Variants in CRLF2 observed in about 807,000 individuals in gnomAD.
The protein encoded by CRLF2 is cytokine receptor like factor 2, also known as cytokine receptor-like factor 2.
CRLF2 carries 41 observed loss-of-function variants against 38.7 expected under a neutral mutation model. The ratio of observed to expected loss-of-function variants is 1.06; its 90% confidence interval spans 0.83 to 1.37. The LOEUF (loss-of-function observed/expected upper bound fraction) is 1.37. CRLF2 is among the 40% of genes most tolerant of loss of function. The probability of loss-of-function intolerance (pLI) is 0.00; values close to 1 mark genes in which losing one functional copy is unlikely to be tolerated. For synonymous variants in CRLF2, 140 were observed against 128.8 expected (o/e 1.09, Z -0.59); for missense variants, 377 against 322.2 (o/e 1.17, Z -1.30).
chrX:1,205,156 C>G (rs1373719711), intron 3 of CRLF2, among the ~76,000 whole-genome samples: 1 of 152,132 alleles, frequency 6.6e-6, no homozygotes, highest in African/African-American at 2.4e-5. Context: ...TCACAGTCTC[C>G]CGGGGTCATC....
At position 1,190,956 on chromosome X, in the gene CRLF2, C is replaced by T. The variant is rs1423411719; in HGVS notation, c.1057G>A (p.Val353Met). Reference sequence around the variant, plus strand: ...AAGGTGAAGCCCCCGATTGTGACCACATCACCGCCTTGGAGGGGCTGGTGG... The same window carrying T: ...AAGGTGAAGCCCCCGATTGTGACCATATCACCGCCTTGGAGGGGCTGGTGG... ...LPHQPLQGGDVVTIGGFTFVM... is the reference protein window; with the variant it reads ...LPHQPLQGGDMVTIGGFTFVM... Residue 353 changes from valine (V) to methionine (M), a missense_variant, in exon 8 of 8, where the codon GTG becomes ATG. Physicochemically the swap from Val to Met is conservative, Grantham distance 21. Transcript: ENST00000400841. 2.5e-6 allele frequency: 1 copy of T among 398,626 alleles called. No individual in the cohort carries two copies. Among genetic ancestry groups the T allele is most frequent in the Non-Finnish European group, 4.4e-6 (1 of 226,158 alleles). 24.7% of individuals were successfully genotyped at this position (398,626 alleles called of 1,614,324 possible). A position where few individuals can be genotyped will look rare whatever the true frequency, so the allele number is the denominator to read the frequency against.
chrX:1,206,338 A>G, intron 3 of CRLF2, 95 bp downstream of exon 3: 3 of 1,076,216 alleles, frequency 2.8e-6, no homozygotes, highest in Non-Finnish European at 4.3e-6. Flanking sequence ...GTAATCATGG[A>G]TCCGGCGATT....
chrX:1,210,911 A>G (rs2086785605), intron 1 of CRLF2, among the ~76,000 whole-genome samples: 1 of 151,444 alleles, frequency 6.6e-6, no homozygotes, highest in South Asian at 2.1e-4. Context: ...ATGGATGAAC[A>G]GATACACAGG....
intron 5 of CRLF2, 107 bp from the exon 6 acceptor site, chrX:1,197,007 G>T: frequency 3.1e-6 from 3 of 969,290 alleles, no homozygotes; most frequent in South Asian, 6.4e-5. Context: ...TCATTTTTTG[G>T]TGTTCGTTTT....
chrX:1,200,875 A>C (rs1313463424), intron 4 of CRLF2, among the ~76,000 whole-genome samples: 4 of 56,392 alleles, frequency 7.1e-5, no homozygotes, highest in African/African-American at 2.2e-4. Flanking sequence ...GTGTGTACAC[A>C]CACATATAGG....
Position 1,206,504 on chromosome X carries a change from T to G in CRLF2, c.278A>C (p.Asp93Ala). The G allele has an allele frequency of 1.2e-6, 2 of 1,613,650 alleles. No individual in the cohort carries two copies. ...GCLLDAEQRD[D>A]ILYFSIRNGT... Reference sequence around the variant, plus strand: ...ATTCCTGATGGAGAAATAGAGAATGTCGTCTCGCTGCTCTGCGTCTAGGAG... The same window carrying G: ...ATTCCTGATGGAGAAATAGAGAATGGCGTCTCGCTGCTCTGCGTCTAGGAG... The change falls in exon 3 of 8, where the codon GAC (aspartate) becomes GCC (alanine). Residue 93 changes from aspartate (D) to alanine (A), a missense_variant. By Grantham distance (126) the Asp-to-Ala change is moderately radical. Transcript: ENST00000400841.
intron 7 of CRLF2, among the ~76,000 whole-genome samples, chrX:1,192,048 A>G (rs1436254009): frequency 1.4e-5 from 2 of 147,628 alleles, no homozygotes; most frequent in Admixed American, 1.4e-4. Context: ...TACGAAAAAT[A>G]CAAAAAATCA....
chrX:1,211,734 T>C (rs1161694647), intron 1 of CRLF2, among the ~76,000 whole-genome samples: 9 of 84,730 alleles, frequency 1.1e-4, no homozygotes, highest in African/African-American at 5.6e-4. Context: ...GATGGATGGA[T>C]GGATGGATGG....
chrX:1,200,843 ATATATGTGTGTG>A (rs1201047204), intron 4 of CRLF2, among the ~76,000 whole-genome samples: 2 of 37,484 alleles, frequency 5.3e-5, no homozygotes, highest in Admixed American at 3.3e-4. Context: ...AGGTACGTAC[ATATATGTGTGTG>A]TATATGTGTG....
At chrX:1,193,426 T>G (rs2086427715) in intron 6 of CRLF2, 124 bp from the exon 7 acceptor site, 1 of 395,952 alleles carries the variant, frequency 2.5e-6, no homozygotes, top group Admixed American at 4.4e-5. Context: ...GCCTTCCACA[T>G]GGACACATGT....
Position 1,191,013 on chromosome X carries a change from T to G in CRLF2, c.1000A>C (p.Lys334Gln). Residue 334 changes from lysine (K) to glutamine (Q), a missense_variant, in exon 8 of 8, where the codon AAA becomes CAA. Transcript: ENST00000400841. ...TGGAGGGATCCCCCAGAGGCCTCTT[T>G]CTCCTCGGTCTGTGGGTCCAGCATC... ...PRMLDPQTEE[K>Q]EASGGSLQLP... is the part of the protein sequence containing the mutation. The G allele has an allele frequency of 2.5e-6, 1 of 398,664 alleles. No homozygotes were observed. Among genetic ancestry groups the G allele is most frequent in the Admixed American group, 4.4e-5 (1 of 22,722 alleles). 24.7% of individuals were successfully genotyped at this position (398,664 alleles called of 1,614,324 possible). A position where few individuals can be genotyped will look rare whatever the true frequency, so the allele number is the denominator to read the frequency against.
At chrX:1,202,775 C>T (rs1411376662) in intron 3 of CRLF2, among the ~76,000 whole-genome samples, 3 of 152,010 alleles carry the variant, frequency 2.0e-5, no homozygotes, top group Non-Finnish European at 2.9e-5. Context: ...GTGTCTGTTA[C>T]GGGCTAAATT....
intron 4 of CRLF2, 121 bp from the exon 5 acceptor site, chrX:1,198,845 G>C (rs1348098055): frequency 9.9e-7 from 1 of 1,008,552 alleles, no homozygotes; most frequent in Non-Finnish European, 1.5e-6. Context: ...CAGTCTCGCT[G>C]ACTTCAAGAA....
At chrX:1,192,073 C>T (rs1274517629) in intron 7 of CRLF2, among the ~76,000 whole-genome samples, 4,116 of 148,442 alleles carry the variant, frequency 0.028, 111 homozygotes, top group African/African-American at 0.074. Context: ...GGTGTGGTGG[C>T]GGGCGCCTGT....
intron 7 of CRLF2, 117 bp from the exon 8 acceptor site, chrX:1,191,277 C>A: frequency 2.6e-6 from 1 of 390,890 alleles, no homozygotes; most frequent in South Asian, 1.4e-4. Context: ...CTTTCTTTCT[C>A]TCTCTTTCTT....
intron 1 of CRLF2, among the ~76,000 whole-genome samples, chrX:1,209,313 AGT>A (rs2086750856): frequency 6.8e-6 from 1 of 147,848 alleles, no homozygotes; most frequent in Non-Finnish European, 1.5e-5. Flanking sequence ...AGTGTAGTGT[AGT>A]GTAGTGTAGT....
At chrX:1,200,699 T>A (rs2086589304) in intron 4 of CRLF2, among the ~76,000 whole-genome samples, 1 of 48,036 alleles carries the variant, frequency 2.1e-5, no homozygotes, top group African/African-American at 6.3e-5. Context: ...TGTATATGTG[T>A]GTGTATATAA....
intron 3 of CRLF2, among the ~76,000 whole-genome samples, chrX:1,205,762 G>A (rs1474640793): frequency 1.3e-5 from 2 of 152,080 alleles, no homozygotes; most frequent in African/African-American, 2.4e-5. Context: ...TAAGCTGAAG[G>A]AAGTACTGAA....
rs757001579 is a variant in CRLF2 at position 1,202,496 on chromosome X, T to C, written c.389A>G (p.His130Arg). The change falls in exon 4 of 8, where the codon CAT (histidine) becomes CGT (arginine). Residue 130 changes from histidine (H) to arginine (R), a missense_variant. By Grantham distance (29) the His-to-Arg change is conservative. Transcript: ENST00000400841. ...SSPKHVRFSW[H>R]QDAVTVTCSD... ...ACACGTCACCGTCACTGCATCCTGATGCCACGAAAATCTCACGTGCTTCGG... is the reference window on the plus strand; with the variant it reads ...ACACGTCACCGTCACTGCATCCTGACGCCACGAAAATCTCACGTGCTTCGG... 10 of 1,613,726 alleles carry C rather than the reference T, an allele frequency of 6.2e-6. No homozygotes were observed. In the East Asian group the frequency reaches 6.7e-5, roughly 11 times the overall value.
Sources: allele counts gnomAD v4.1 joint callset (sites outside exome capture counted in the v4.1 genomes callset), GRCh38; gene constraint gnomAD v4.1.1; transcripts MANE v1.5; gene names NCBI Gene and HGNC (gene_info 2026-07-23, HGNC 2026-07-21).